The following COL4A1 variants were observed in gnomAD, a reference collection of about 807,000 sequenced individuals.
The protein encoded by COL4A1 is collagen alpha-1(IV) chain.
Under a neutral mutation model 216.6 loss-of-function variants are expected in COL4A1, and 40 were observed. That is an observed-to-expected ratio of 0.18 (90% CI 0.14 to 0.24). COL4A1 has a LOEUF of 0.24. Ranked by LOEUF, COL4A1 falls within the 10% of genes least tolerant of loss-of-function variation. The pLI is 1.00. For missense variants in COL4A1, 1,628 were observed against 2,196.8 expected (o/e 0.74, Z 5.18); for synonymous variants, 839 against 810.7 (o/e 1.03, Z -0.59).
At position 110,181,998 on chromosome 13, in the gene COL4A1, T is replaced by A. The variant is rs1242752876; in HGVS notation, c.2096-609A>T. On this transcript the variant is annotated intron_variant, in intron 28 of 51. Transcript: ENST00000375820. Reference sequence around the variant, plus strand: ...GCACACACCCGAATCACATCTTCTGTGAGGCTGCTGCACAGATAGGGTCTG... The same window carrying A: ...GCACACACCCGAATCACATCTTCTGAGAGGCTGCTGCACAGATAGGGTCTG... Among the ~76,000 whole-genome samples the A allele has an allele frequency of 2.6e-5, 4 of 152,350 alleles. No homozygotes were observed. The East Asian group carries it at 7.7e-4, about 29-fold the overall frequency.
chr13:110,222,555 C>T (rs1357435396), intron 2 of COL4A1, among the ~76,000 whole-genome samples: 2 of 136,742 alleles, frequency 1.5e-5, no homozygotes, highest in Non-Finnish European at 3.3e-5. Context: ...GGGTGGATCA[C>T]GAGGTCAGGA....
At chr13:110,213,904 C>T (rs370748810) in intron 3 of COL4A1, 22 bp downstream of exon 3, 23 of 1,613,716 alleles carry the variant, frequency 1.4e-5, no homozygotes, top group African/African-American at 4.0e-5. Context: ...CCACCCACCC[C>T]CAATCCCACA....
intron 49 of COL4A1, among the ~76,000 whole-genome samples, chr13:110,157,516 G>C (rs9521624): frequency 2.6e-5 from 4 of 152,102 alleles, no homozygotes; most frequent in African/African-American, 9.7e-5. Flanking sequence ...CAGAGACAGG[G>C]ACAAAGGGGC....
At chr13:110,282,126 A>T (rs773324430) in intron 1 of COL4A1, among the ~76,000 whole-genome samples, 4 of 152,070 alleles carry the variant, frequency 2.6e-5, no homozygotes, top group Non-Finnish European at 5.9e-5. Context: ...TTACAATTTG[A>T]CCTCTCTCCC....
At chr13:110,292,003 G>A (rs1446858559) in intron 1 of COL4A1, among the ~76,000 whole-genome samples, 2 of 152,204 alleles carry the variant, frequency 1.3e-5, no homozygotes, top group East Asian at 1.9e-4. Flanking sequence ...TCTTTCGAGA[G>A]ATTCATGCCA....
intron 1 of COL4A1, among the ~76,000 whole-genome samples, chr13:110,287,649 G>T (rs1883895062): frequency 6.6e-6 from 1 of 152,248 alleles, no homozygotes; most frequent in African/African-American, 2.4e-5. Context: ...ACGTCCTTGA[G>T]CGCCGTACAG....
intron 1 of COL4A1, among the ~76,000 whole-genome samples, chr13:110,262,911 G>A (rs773859079): frequency 3.9e-5 from 6 of 152,226 alleles, no homozygotes; most frequent in East Asian, 3.9e-4. Context: ...CCCTAAAGGC[G>A]GCTGCTAGCA....
intron 30 of COL4A1, 47 bp downstream of exon 30, chr13:110,179,224 G>A: frequency 1.2e-6 from 2 of 1,611,342 alleles, no homozygotes; most frequent in Non-Finnish European, 8.5e-7. Flanking sequence ...GCAAAAATAA[G>A]CACATCCTGT....
At chr13:110,232,718 G>C (rs965499668) in intron 2 of COL4A1, among the ~76,000 whole-genome samples, 1 of 152,176 alleles carries the variant, frequency 6.6e-6, no homozygotes, top group African/African-American at 2.4e-5. Context: ...AGTGCTCTGG[G>C]CTTTAAAAGT....
At chr13:110,259,107 C>T (rs935090135) in intron 1 of COL4A1, among the ~76,000 whole-genome samples, 4 of 152,236 alleles carry the variant, frequency 2.6e-5, no homozygotes, top group Admixed American at 6.5e-5. Flanking sequence ...GCCCTTTGCT[C>T]AGTTTTCAGA....
In COL4A1 at chr13:110,175,351, G is replaced by A; in HGVS notation, c.3065C>T (p.Pro1022Leu). 1.2e-6 allele frequency: 2 copies of A among 1,614,134 alleles called. No individual in the cohort carries two copies. Among genetic ancestry groups the A allele is most frequent in the South Asian group, 1.1e-5 (1 of 91,080 alleles). ...SVGGMGLPGTPGEKGVPGIPG... is the reference protein window; with the variant it reads ...SVGGMGLPGTLGEKGVPGIPG... ...GATGCCAGGCACACCTTTCTCTCCA[G>A]GTGTTCCTATAAACACAAACAATTG... Residue 1022 changes from proline to leucine, a missense_variant, in exon 37 of 52, where the codon CCT becomes CTT. Physicochemically the swap from Pro to Leu is moderately conservative, Grantham distance 98. Around this residue, in one of 8 missense-constraint regions of COL4A1, gnomAD observed 58 missense variants for 132.5 expected, o/e 0.44. Transcript: ENST00000375820.
rs555994520 is a variant in COL4A1 at position 110,260,383 on chromosome 13, G to T, written c.85-17649C>A. Among the ~76,000 whole-genome samples, 4 of 152,280 alleles carry T rather than the reference G, an allele frequency of 2.6e-5. No homozygotes were observed. The East Asian group carries it at 5.8e-4, about 22-fold the overall frequency. On this transcript the variant is annotated intron_variant, in intron 1 of 51. Transcript: ENST00000375820. Reference sequence around the variant, plus strand: ...CTCCACCTGGCTGCACCCTTAGCACGTGGGGATTATTACAATTTAAGGTGG... The same window carrying T: ...CTCCACCTGGCTGCACCCTTAGCACTTGGGGATTATTACAATTTAAGGTGG...
At chr13:110,233,233 G>C (rs2139234536) in intron 2 of COL4A1, among the ~76,000 whole-genome samples, 1 of 152,248 alleles carries the variant, frequency 6.6e-6, no homozygotes, top group East Asian at 1.9e-4. Flanking sequence ...CTGATCACAT[G>C]GATTCTCACG....
chr13:110,205,399 G>A lies in COL4A1; in HGVS notation c.911C>T (p.Pro304Leu), dbSNP rs34843786. 5.8e-4 allele frequency: 938 copies of A among 1,614,104 alleles called. 6 individuals are homozygous for A. In the African/African-American group the frequency reaches 0.011, roughly 20 times the overall value. ...DKGEKGSPGF[P>L]GEPGYPGLIG... is the part of the protein sequence containing the mutation. ...GAGTCCTGGGTACCCGGGTTCACCA[G>A]GAAAACCCTGAAACCGAAGAGAGAA... The change falls in exon 17 of 52, where the codon CCT (proline) becomes CTT (leucine). Residue 304 changes from proline (P) to leucine (L), a missense_variant. By Grantham distance (98) the Pro-to-Leu change is moderately conservative. Around this residue, in one of 8 missense-constraint regions of COL4A1, gnomAD observed 701 missense variants for 892.5 expected, o/e 0.79. Transcript: ENST00000375820.
intron 1 of COL4A1, among the ~76,000 whole-genome samples, chr13:110,257,846 T>G (rs998418624): frequency 2.6e-5 from 4 of 152,248 alleles, no homozygotes; most frequent in African/African-American, 9.6e-5. Flanking sequence ...CTTCAGGAAC[T>G]CTTGCCTTTT....
intron 42 of COL4A1, among the ~76,000 whole-genome samples, 167 bp from the exon 43 acceptor site, chr13:110,169,929 G>GAGGGAGGGAGGAAGGTAGGA (rs150774157): frequency 7.1e-6 from 1 of 140,504 alleles, no homozygotes; most frequent in Non-Finnish European, 1.5e-5. Context: ...AGGAAGGAAG[G>GAGGGAGGGAGGAAGGTAGGA]AGGGAGGGAG....
At chr13:110,284,627 A>G (rs572816367) in intron 1 of COL4A1, among the ~76,000 whole-genome samples, 4 of 152,360 alleles carry the variant, frequency 2.6e-5, no homozygotes, top group South Asian at 4.1e-4. Flanking sequence ...ACACAGATAG[A>G]GCAAGCAAAA....
chr13:110,182,509 A>T (rs1401671757), intron 28 of COL4A1, among the ~76,000 whole-genome samples: 1 of 152,168 alleles, frequency 6.6e-6, no homozygotes, highest in Non-Finnish European at 1.5e-5. Context: ...AAGAAATGTG[A>T]AAAGCAGGGG....
intron 1 of COL4A1, among the ~76,000 whole-genome samples, chr13:110,301,819 G>A (rs1884505483): frequency 6.6e-6 from 1 of 152,102 alleles, no homozygotes; most frequent in Admixed American, 6.5e-5. Flanking sequence ...GAGTAGCAAG[G>A]AACGAGGCCA....
Sources: allele counts gnomAD v4.1 joint callset (sites outside exome capture counted in the v4.1 genomes callset), GRCh38; gene constraint gnomAD v4.1.1; regional missense constraint gnomAD v4.1.1; transcripts MANE v1.5; gene names NCBI Gene and HGNC (gene_info 2026-07-23, HGNC 2026-07-21).